PTPDC1: variants seen among roughly 807,000 people sequenced by gnomAD.
The protein encoded by PTPDC1 is protein tyrosine phosphatase domain-containing protein 1.
PTPDC1 carries 53 observed loss-of-function variants against 75.3 expected under a neutral mutation model. That is an observed-to-expected ratio of 0.70 (90% CI 0.56 to 0.88). PTPDC1 has a LOEUF of 0.88. Ranked by LOEUF, PTPDC1 falls within the 40% of genes least tolerant of loss-of-function variation. The pLI, the probability that PTPDC1 is intolerant of heterozygous loss-of-function variation, is 0.00. For missense variants in PTPDC1, 925 were observed against 998.6 expected (o/e 0.93, Z 0.99); for synonymous variants, 349 against 366.2 (o/e 0.95, Z 0.54).
intron 1 of PTPDC1, among the ~76,000 whole-genome samples, chr9:94,033,278 G>A (rs1369620317): frequency 2.0e-5 from 3 of 152,132 alleles, no homozygotes; most frequent in Non-Finnish European, 4.4e-5. Flanking sequence ...TCAGAATCAT[G>A]TTTTATATAA....
At chr9:94,058,256 T>C (rs1344425930) in intron 1 of PTPDC1, among the ~76,000 whole-genome samples, 2 of 152,084 alleles carry the variant, frequency 1.3e-5, no homozygotes, top group Non-Finnish European at 2.9e-5. Flanking sequence ...AGGTGTTTGG[T>C]TGAGTACCGA....
intron 2 of PTPDC1, among the ~76,000 whole-genome samples, chr9:94,073,590 T>G (rs1826586005): frequency 6.6e-6 from 1 of 152,176 alleles, no homozygotes; most frequent in Admixed American, 6.5e-5. Context: ...ATTTTTAATC[T>G]TACTGACTTA....
intron 6 of PTPDC1, chr9:94,101,018 A>G (rs1371724509): frequency 6.6e-6 from 1 of 152,212 alleles, no homozygotes; most frequent in Admixed American, 6.5e-5. Context: ...TATTTCAAAG[A>G]AGTACATATG....
In PTPDC1 at chr9:94,046,083, A is replaced by C. The variant is rs1310584109; in HGVS notation, c.-7+14956A>C. ...CATATGGCTAGCCAGTTTTCCCAGC[A>C]CCATTTATTAAATAGGGAATCCTTT... On this transcript the variant is annotated intron_variant, in intron 1 of 9. Coordinates refer to the PTPDC1 transcript ENST00000375360. Among the ~76,000 whole-genome samples the C allele has an allele frequency of 1.1e-4, 16 of 152,254 alleles. No individual in the cohort carries two copies. The South Asian group carries it at 3.1e-3, about 30-fold the overall frequency.
intron 1 of PTPDC1, among the ~76,000 whole-genome samples, chr9:94,033,535 T>A (rs1027963049): frequency 6.6e-6 from 1 of 152,222 alleles, no homozygotes; most frequent in African/African-American, 2.4e-5. Context: ...TGACGTCCTC[T>A]CTGATTCTCA....
At chr9:94,048,849 T>C (rs1416305750) in intron 1 of PTPDC1, among the ~76,000 whole-genome samples, 1 of 152,196 alleles carries the variant, frequency 6.6e-6, no homozygotes, top group Non-Finnish European at 1.5e-5. Context: ...TAAGTCTCTT[T>C]GTAGTTCTCT....
intron 8 of PTPDC1, among the ~76,000 whole-genome samples, chr9:94,105,145 C>T (rs1271727421): frequency 6.6e-6 from 1 of 152,056 alleles, no homozygotes; most frequent in East Asian, 1.9e-4. Flanking sequence ...AATATTTGTC[C>T]AGTCTCCTTC....
intron 1 of PTPDC1, among the ~76,000 whole-genome samples, chr9:94,047,461 A>G (rs1466793627): frequency 2.6e-5 from 4 of 152,216 alleles, no homozygotes. Context: ...CACAAGAGAA[A>G]GCAGGAAAGA....
At chr9:94,073,571 T>C (rs1041759777) in intron 2 of PTPDC1, among the ~76,000 whole-genome samples, 3 of 152,170 alleles carry the variant, frequency 2.0e-5, no homozygotes, top group African/African-American at 4.8e-5. Flanking sequence ...ATTTGCACTG[T>C]TGTTTTCCAT....
rs1192115778 is a variant in PTPDC1, at chr9:94,064,865, G to T, written c.82+44G>T. 2.8e-6 allele frequency: 4 copies of T among 1,431,024 alleles called. No individual in the cohort carries two copies. The African/African-American group carries it at 5.7e-5, about 20-fold the overall frequency. The allele number at this position is 1,431,024 out of a possible 1,614,324, so 88.6% of individuals were successfully genotyped here. On this transcript the variant is annotated intron_variant, in intron 2 of 9. Coordinates refer to the PTPDC1 transcript ENST00000375360. ...ACTTTTTGTCTCTCTGTGCAAGCTGGCATTTAATAAAAGTAGCTATATGAA... is the reference window on the plus strand; with the variant it reads ...ACTTTTTGTCTCTCTGTGCAAGCTGTCATTTAATAAAAGTAGCTATATGAA...
intron 4 of PTPDC1, among the ~76,000 whole-genome samples, chr9:94,094,752 G>C (rs76646624): frequency 6.6e-6 from 1 of 152,332 alleles, no homozygotes; most frequent in African/African-American, 2.4e-5. Flanking sequence ...AGGACCCTCC[G>C]AGCCAGGTGC....
At chr9:94,073,547 T>G (rs1312481701) in intron 2 of PTPDC1, among the ~76,000 whole-genome samples, 1 of 152,182 alleles carries the variant, frequency 6.6e-6, no homozygotes, top group Non-Finnish European at 1.5e-5. Context: ...CAGAGCCAGC[T>G]TCTTATATCA....
chr9:94,083,779 T>C (rs4744313), upstream of PTPDC1, among the ~76,000 whole-genome samples: 60,188 of 152,014 alleles, frequency 0.4, 12,126 homozygotes, highest in Admixed American at 0.52. Flanking sequence ...AGGCAGAGAA[T>C]GGTGTTTTGA....
chr9:94,075,702 G>A (rs1303941104), intron 2 of PTPDC1, among the ~76,000 whole-genome samples: 1 of 152,176 alleles, frequency 6.6e-6, no homozygotes, highest in East Asian at 1.9e-4. Flanking sequence ...TGTGTCCAGA[G>A]TTTCTAAGAC....
At chr9:94,056,657 T>C (rs139250025) in intron 1 of PTPDC1, among the ~76,000 whole-genome samples, 6 of 152,296 alleles carry the variant, frequency 3.9e-5, no homozygotes, top group African/African-American at 1.4e-4. Flanking sequence ...CAGAACACCA[T>C]GTGTCTGAGA....
intron 1 of PTPDC1, among the ~76,000 whole-genome samples, chr9:94,033,380 CAT>C (rs1314988055): frequency 3.3e-5 from 5 of 152,140 alleles, no homozygotes; most frequent in African/African-American, 9.7e-5. Context: ...TCACGTACCT[CAT>C]GTGTTGTTAC....
At chr9:94,092,350 T>G (rs1246001881) in intron 4 of PTPDC1, among the ~76,000 whole-genome samples, 1,591 of 143,420 alleles carry the variant, frequency 0.011, 33 homozygotes, top group African/African-American at 0.04. Flanking sequence ...TACCCAGTAG[T>G]CATTCAGGAG....
intron 1 of PTPDC1, among the ~76,000 whole-genome samples, chr9:94,055,136 T>C (rs1355466942): frequency 6.6e-6 from 1 of 152,260 alleles, no homozygotes; most frequent in Non-Finnish European, 1.5e-5. Context: ...TAGGTCTTTA[T>C]TGTTCAGAAA....
intron 1 of PTPDC1, among the ~76,000 whole-genome samples, chr9:94,045,017 C>A (rs1438208599): frequency 1.7e-5 from 2 of 115,588 alleles, no homozygotes; most frequent in Non-Finnish European, 1.7e-5. Flanking sequence ...CAACAGTTCT[C>A]GGTGTGTGAT....
Sources: allele counts gnomAD v4.1 joint callset (sites outside exome capture counted in the v4.1 genomes callset), GRCh38; gene constraint gnomAD v4.1.1; transcripts MANE v1.5; gene names NCBI Gene and HGNC (gene_info 2026-07-23, HGNC 2026-07-21).